MINDY3: variants seen among roughly 807,000 people sequenced by gnomAD.
MINDY3 encodes ubiquitin carboxyl-terminal hydrolase MINDY-3.
In MINDY3, 38 loss-of-function variants were observed where a neutral mutation model predicts 69.2. That is an observed-to-expected ratio of 0.55 (90% confidence interval 0.42 to 0.72). The LOEUF is 0.72. Among genes scored for constraint, MINDY3 ranks in the 30% least tolerant of loss-of-function variants. The probability of loss-of-function intolerance (pLI) is 0.00; values close to 1 mark genes in which losing one functional copy is unlikely to be tolerated. For missense variants in MINDY3, 522 were observed against 519.0 expected (o/e 1.01, Z -0.06); for synonymous variants, 192 against 180.1 (o/e 1.07, Z -0.53).
In MINDY3 at chr10:15,778,976, T is replaced by G; in HGVS notation, c.*16A>C. 6.2e-7 allele frequency: 1 copy of G among 1,607,372 alleles called. No homozygotes were observed. The highest frequency in any genetic ancestry group is 2.2e-5 in the East Asian group (1 of 44,658). ...ACATCTGTTATTAAGATCTTCCTTA[T>G]AAATACTTAGACAAATTAATTTAGT... On this transcript the variant is annotated 3_prime_UTR_variant, in exon 15 of 15. Transcript: ENST00000277632.
chr10:15,802,221 A>G (rs948827766), intron 10 of MINDY3, among the ~76,000 whole-genome samples: 1 of 152,002 alleles, frequency 6.6e-6, no homozygotes, highest in Non-Finnish European at 1.5e-5. Flanking sequence ...ATGTTACTCA[A>G]GGGTCAATTA....
At chr10:15,837,610 T>C in intron 5 of MINDY3, 1 of 1,309,674 alleles carries the variant, frequency 7.6e-7, no homozygotes, top group Non-Finnish European at 1.0e-6. Context: ...TAATATACAG[T>C]TATTTAAAGA....
chr10:15,805,652 A>G (rs936681035), intron 10 of MINDY3, among the ~76,000 whole-genome samples: 1 of 152,138 alleles, frequency 6.6e-6, no homozygotes, highest in Non-Finnish European at 1.5e-5. Context: ...TCCTTGCCTC[A>G]TTGACATCAG....
chr10:15,793,901 T>C (rs569861864), intron 11 of MINDY3, among the ~76,000 whole-genome samples: 1 of 152,188 alleles, frequency 6.6e-6, no homozygotes, highest in East Asian at 1.9e-4. Flanking sequence ...CTCCAAACGA[T>C]CAGTACTAAA....
rs565125606 is a variant in MINDY3, at chr10:15,842,992, A to G, written c.235+220T>C. ...ATGCACCGTGTTTTACCAAGAGGCC[A>G]AACGTTTTTCCCTTAGTTATACCAT... On this transcript the variant is annotated intron_variant, in intron 3 of 14. Coordinates refer to ENST00000277632, the MANE Select transcript of MINDY3 (RefSeq NM_024948.4). Among the ~76,000 whole-genome samples, 549 of 151,890 alleles carry G rather than the reference A, an allele frequency of 3.6e-3. 4 individuals carry two copies. Among genetic ancestry groups the G allele is most frequent in the Non-Finnish European group, 6.2e-3 (421 of 67,806 alleles).
At chr10:15,784,202 G>C (rs905776501) in intron 13 of MINDY3, among the ~76,000 whole-genome samples, 4 of 152,310 alleles carry the variant, frequency 2.6e-5, no homozygotes, top group East Asian at 1.9e-4. Context: ...AAGGCACACA[G>C]TGCCTGATGG....
At chr10:15,825,361 T>C (rs1285485293) in intron 8 of MINDY3, among the ~76,000 whole-genome samples, 3 of 152,248 alleles carry the variant, frequency 2.0e-5, no homozygotes, top group African/African-American at 7.2e-5. Flanking sequence ...CTTGTTTTCT[T>C]TGCCAGAATT....
intron 2 of MINDY3, among the ~76,000 whole-genome samples, chr10:15,844,920 G>A (rs557749155): frequency 1.1e-4 from 17 of 152,220 alleles, no homozygotes; most frequent in African/African-American, 4.1e-4. Flanking sequence ...TTATTTGGCT[G>A]TAAAGCATCA....
chr10:15,791,364 A>C (rs1209920992), intron 11 of MINDY3, among the ~76,000 whole-genome samples: 1 of 151,986 alleles, frequency 6.6e-6, no homozygotes, highest in East Asian at 1.9e-4. Context: ...GAGAATAAGG[A>C]AACAGAGGCA....
At chr10:15,825,035 T>C (rs537816658) in intron 8 of MINDY3, among the ~76,000 whole-genome samples, 1 of 152,328 alleles carries the variant, frequency 6.6e-6, no homozygotes, top group African/African-American at 2.4e-5. Context: ...TTCTCACATG[T>C]TACGATTTAT....
intron 10 of MINDY3, among the ~76,000 whole-genome samples, chr10:15,816,260 C>CAAAAAAAAAAAAAAAAAAAAA (rs1164005904): frequency 7.5e-5 from 2 of 26,818 alleles, no homozygotes; most frequent in African/African-American, 1.6e-4. Flanking sequence ...GACTCCATCT[C>CAAAAAAAAAAAAAAAAAAAAA]AAAAAAAAAA....
At chr10:15,851,821 G>A (rs1456595285) in intron 1 of MINDY3, among the ~76,000 whole-genome samples, 1 of 152,010 alleles carries the variant, frequency 6.6e-6, no homozygotes, top group African/African-American at 2.4e-5. Flanking sequence ...GCTTCTCATT[G>A]CAATTAAAAT....
At chr10:15,787,518 C>T (rs1429258044) in intron 12 of MINDY3, among the ~76,000 whole-genome samples, 1 of 152,170 alleles carries the variant, frequency 6.6e-6, no homozygotes. Context: ...GGGGCAACTT[C>T]TCTCCTTTCA....
At chr10:15,787,063 A>G (rs145029104) in intron 12 of MINDY3, among the ~76,000 whole-genome samples, 48 of 152,312 alleles carry the variant, frequency 3.2e-4, no homozygotes, top group African/African-American at 1.1e-3. Flanking sequence ...GTCAAAAGGC[A>G]GTGGTACATC....
intron 10 of MINDY3, among the ~76,000 whole-genome samples, chr10:15,802,740 T>C (rs938957558): frequency 1.3e-5 from 2 of 152,096 alleles, no homozygotes; most frequent in Middle Eastern, 3.2e-3. Flanking sequence ...GTGATACTGG[T>C]TAGGCTCCAA....
At chr10:15,794,735 A>G (rs372964594) in intron 11 of MINDY3, among the ~76,000 whole-genome samples, 25 of 152,092 alleles carry the variant, frequency 1.6e-4, no homozygotes, top group Non-Finnish European at 1.5e-5. Flanking sequence ...AATAAATAGT[A>G]CAAGCCTGCT....
intron 9 of MINDY3, 88 bp from the exon 10 acceptor site, chr10:15,817,003 G>A (rs745462593): frequency 1.4e-4 from 137 of 965,622 alleles, no homozygotes; most frequent in Admixed American, 2.0e-4. Flanking sequence ...GAAGCATAAA[G>A]TGTCCAATTT....
At chr10:15,854,585 T>C (rs867622680) in intron 1 of MINDY3, among the ~76,000 whole-genome samples, 1 of 151,796 alleles carries the variant, frequency 6.6e-6, no homozygotes, top group African/African-American at 2.4e-5. Flanking sequence ...GTTAAACATA[T>C]GAGGAAAAAT....
At chr10:15,859,278 A>T (rs1483046894) in intron 1 of MINDY3, among the ~76,000 whole-genome samples, 2 of 152,172 alleles carry the variant, frequency 1.3e-5, no homozygotes, top group Non-Finnish European at 2.9e-5. Context: ...AATTCCGCCC[A>T]ATCTATTTCG....
Sources: gnomAD v4.1 joint callset for allele counts (sites outside exome capture counted in the v4.1 genomes callset) on GRCh38, gnomAD v4.1.1 for gene constraint, MANE v1.5 for transcripts, NCBI Gene and HGNC (gene_info 2026-07-23, HGNC 2026-07-21) for gene names.